TBC1D5: variants seen among roughly 807,000 people sequenced by gnomAD.
The protein encoded by TBC1D5 is TBC1 domain family member 5.
In TBC1D5, 75 loss-of-function variants were observed where a neutral mutation model predicts 100.3. The observed-to-expected ratio is 0.75, with a 90% CI of 0.62 to 0.91. The LOEUF is 0.91. TBC1D5 is among the 40% of genes least tolerant of loss of function. TBC1D5 has a pLI of 0.00. For synonymous variants in TBC1D5, 323 were observed against 325.6 expected (o/e 0.99, Z 0.09); for missense variants, 910 against 942.4 (o/e 0.97, Z 0.45).
In TBC1D5 at chr3:17,420,488, G is replaced by C. The variant is rs1431179797; in HGVS notation, c.167+7962C>G. On this transcript the variant is annotated intron_variant, in intron 4 of 21. Transcript: ENST00000253692. ...CTACTATATAATACTTAATTATTGG[G>C]ACTATAAAGGAGACCAATGTGTAAA... Among the ~76,000 whole-genome samples the C allele has an allele frequency of 7.2e-5, 11 of 151,888 alleles. No individual in the cohort carries two copies. The South Asian group carries it at 2.3e-3, about 32-fold the overall frequency.
chr3:17,166,127 T>C lies in TBC1D5; in HGVS notation c.2094+640A>G, dbSNP rs193113979. The stretch of plus-strand genomic sequence containing the variant: ...ATCCAGCCTGTGGCCTGTTTTTGCA[T>C]GGCCCCCAAGCTGAGAATGGTTTAT... On this transcript the variant is annotated intron_variant, in intron 21 of 21. Coordinates refer to ENST00000253692, the Ensembl canonical transcript of TBC1D5. Among the ~76,000 whole-genome samples, 19 of 152,158 alleles carry C rather than the reference T, an allele frequency of 1.2e-4. No homozygotes were observed. In the East Asian group the frequency reaches 3.5e-3, roughly 28 times the overall value.
chr3:17,641,651 T>C (rs904309643), intron 1 of TBC1D5, among the ~76,000 whole-genome samples: 2 of 152,166 alleles, frequency 1.3e-5, no homozygotes, highest in African/African-American at 2.4e-5. Flanking sequence ...TTCTTTCCAA[T>C]GTAATAAGGC....
rs369172581 is a variant in TBC1D5 at position 17,261,486 on chromosome 3, G to C, written c.1246-2895C>G. On this transcript the variant is annotated intron_variant, in intron 15 of 21. Transcript: ENST00000253692. The stretch of plus-strand genomic sequence containing the variant: ...CTTTTTTGGGGGGTGGGGTGGGGTG[G>C]GGGGGGAGACAGGGTCTCATTCTGT... Among the ~76,000 whole-genome samples the C allele has an allele frequency of 9.9e-5, 15 of 151,194 alleles. No individual in the cohort carries two copies. The South Asian group carries it at 1.1e-3, about 11-fold the overall frequency.
At chr3:17,407,852 T>C (rs1471044730) in intron 4 of TBC1D5, among the ~76,000 whole-genome samples, 3 of 152,120 alleles carry the variant, frequency 2.0e-5, no homozygotes, top group Non-Finnish European at 4.4e-5. Context: ...CTGGAAGAAA[T>C]GCATTTCTAT....
At chr3:17,490,417 A>G (rs1178982575) in intron 3 of TBC1D5, among the ~76,000 whole-genome samples, 1 of 152,126 alleles carries the variant, frequency 6.6e-6, no homozygotes, top group Non-Finnish European at 1.5e-5. Context: ...GCCCATGCCT[A>G]TGTTCTGAAT....
intron 3 of TBC1D5, among the ~76,000 whole-genome samples, chr3:17,473,866 T>C (rs947249077): frequency 6.6e-6 from 1 of 152,054 alleles, no homozygotes; most frequent in Non-Finnish European, 1.5e-5. Context: ...CCTGTTCTGC[T>C]TTCCTCATTA....
chr3:17,176,873 G>A (rs139562895), intron 19 of TBC1D5, among the ~76,000 whole-genome samples: 11 of 151,928 alleles, frequency 7.2e-5, no homozygotes, highest in Admixed American at 6.5e-4. Context: ...TACTGAATTA[G>A]AAGAATAAAG....
intron 17 of TBC1D5, among the ~76,000 whole-genome samples, chr3:17,235,253 CAAACACA>C (rs2075767223): frequency 6.6e-6 from 1 of 152,176 alleles, no homozygotes; most frequent in African/African-American, 2.4e-5. Context: ...GTTTGGATTA[CAAACACA>C]ACTGTCCCCC....
chr3:17,656,493 T>C (rs181964564), intron 1 of TBC1D5, among the ~76,000 whole-genome samples: 1 of 152,320 alleles, frequency 6.6e-6, no homozygotes, highest in Non-Finnish European at 1.5e-5. Flanking sequence ...TTTGATATGT[T>C]CCCTGAAAAC....
At chr3:17,232,254 T>C (rs546793086) in intron 17 of TBC1D5, among the ~76,000 whole-genome samples, 24 of 152,302 alleles carry the variant, frequency 1.6e-4, no homozygotes, top group African/African-American at 5.3e-4. Context: ...TCTTAGCTTT[T>C]CTTTCCATAG....
At chr3:17,406,673 A>G in intron 4 of TBC1D5, 147 bp from the exon 5 acceptor site, 2 of 616,056 alleles carry the variant, frequency 3.2e-6, no homozygotes, top group South Asian at 2.3e-5. Context: ...TTCTGAACGC[A>G]TGGCTGTCTT....
At chr3:17,279,688 T>C (rs766377491) in intron 15 of TBC1D5, among the ~76,000 whole-genome samples, 1 of 152,216 alleles carries the variant, frequency 6.6e-6, no homozygotes, top group Non-Finnish European at 1.5e-5. Context: ...AGTAACTTTG[T>C]TCTCAGTCTA....
chr3:17,385,304 G>C (rs566840495), intron 8 of TBC1D5, among the ~76,000 whole-genome samples: 88 of 152,126 alleles, frequency 5.8e-4, no homozygotes, highest in Admixed American at 1.2e-3. Flanking sequence ...CTAAAAAATG[G>C]GAGAAAATGT....
intron 1 of TBC1D5, among the ~76,000 whole-genome samples, chr3:17,728,198 G>C (rs2076275988): frequency 6.6e-6 from 1 of 152,122 alleles, no homozygotes; most frequent in African/African-American, 2.4e-5. Flanking sequence ...TTGAAACATT[G>C]CCATTAACAT....
chr3:17,506,454 C>T (rs903736685), intron 3 of TBC1D5, among the ~76,000 whole-genome samples: 4 of 152,062 alleles, frequency 2.6e-5, no homozygotes, highest in Non-Finnish European at 4.4e-5. Context: ...TACAGAGATG[C>T]CAAGCTGAAT....
chr3:17,198,181 GA>G (rs2070973713), intron 18 of TBC1D5, among the ~76,000 whole-genome samples: 1 of 152,202 alleles, frequency 6.6e-6, no homozygotes, highest in Non-Finnish European at 1.5e-5. Context: ...TTATGAAACA[GA>G]AGTGTTACCT....
chr3:17,195,868 C>T (rs1046877385), intron 18 of TBC1D5, among the ~76,000 whole-genome samples: 9 of 151,490 alleles, frequency 5.9e-5, no homozygotes, highest in Non-Finnish European at 1.3e-4. Flanking sequence ...GCCTATCATA[C>T]TTTTGTTAGT....
At chr3:17,554,069 G>A (rs554161821) in intron 2 of TBC1D5, among the ~76,000 whole-genome samples, 1 of 152,148 alleles carries the variant, frequency 6.6e-6, no homozygotes, top group East Asian at 1.9e-4. Context: ...CACCTCATCT[G>A]TCTCCTAAAT....
intron 2 of TBC1D5, among the ~76,000 whole-genome samples, chr3:17,576,780 A>G (rs1030849519): frequency 6.6e-6 from 1 of 152,028 alleles, no homozygotes; most frequent in Non-Finnish European, 1.5e-5. Flanking sequence ...CATCAATTCC[A>G]CTACAGAAAT....
Sources: allele counts gnomAD v4.1 joint callset (sites outside exome capture counted in the v4.1 genomes callset), GRCh38; gene constraint gnomAD v4.1.1; transcripts MANE v1.5; gene names NCBI Gene and HGNC (gene_info 2026-07-23, HGNC 2026-07-21).